The following ARHGEF28 variants were observed in gnomAD, a reference collection of about 807,000 sequenced individuals.
ARHGEF28 encodes the protein Rho guanine nucleotide exchange factor 28, also known as 190 kDa guanine nucleotide exchange factor.
A neutral mutation model predicts 206.6 loss-of-function variants in ARHGEF28; 152 were observed. The ratio of observed to expected loss-of-function variants is 0.74; its 90% confidence interval spans 0.64 to 0.84. The LOEUF (loss-of-function observed/expected upper bound fraction) is 0.84. ARHGEF28 is among the 40% of genes least tolerant of loss of function. ARHGEF28 has a pLI of 0.00. For synonymous variants in ARHGEF28, 763 were observed against 776.4 expected, an observed-to-expected ratio of 0.98 and a Z score of 0.29; for missense variants, 2,028 against 2,073.2, an observed-to-expected ratio of 0.98 and a Z score of 0.42.
intron 10 of ARHGEF28, among the ~76,000 whole-genome samples, chr5:73,834,318 C>T (rs749512464): frequency 6.6e-6 from 1 of 152,244 alleles, no homozygotes; most frequent in South Asian, 2.1e-4. Context: ...TTGTACCCTT[C>T]GACTAACACT....
intron 9 of ARHGEF28, chr5:73,813,699 T>C: frequency 6.5e-7 from 1 of 1,529,544 alleles, no homozygotes. Context: ...TTTTCTTTCC[T>C]TCACGGGCAA....
At chr5:73,886,921 AGAGGTT>A in intron 25 of ARHGEF28, among the ~76,000 whole-genome samples, 1 of 152,370 alleles carries the variant, frequency 6.6e-6, no homozygotes, top group East Asian at 1.9e-4. Context: ...AGTGAGAGGA[AGAGGTT>A]GTTAAATTCT....
chr5:73,792,327 C>G (rs986662211), intron 7 of ARHGEF28, among the ~76,000 whole-genome samples: 1 of 152,112 alleles, frequency 6.6e-6, no homozygotes, highest in African/African-American at 2.4e-5. Context: ...GTTCACTGGC[C>G]TTTTGAGAAG....
intron 9 of ARHGEF28, among the ~76,000 whole-genome samples, chr5:73,826,410 G>A (rs1756907720): frequency 6.6e-6 from 1 of 152,208 alleles, no homozygotes; most frequent in African/African-American, 2.4e-5. Context: ...CCACAGTTAA[G>A]AGATACTTGT....
In ARHGEF28 at chr5:73,882,535, G is replaced by A; in HGVS notation, c.2878G>A (p.Glu960Lys). 1 of 1,515,824 alleles carries A rather than the reference G, an allele frequency of 6.6e-7. No homozygotes were observed. Among genetic ancestry groups the A allele is most frequent in the Non-Finnish European group, 8.9e-7 (1 of 1,123,734 alleles). 93.9% of individuals were successfully genotyped at this position (1,515,824 alleles called of 1,614,324 possible). Residue 960 changes from glutamate to lysine, a missense_variant, in exon 23 of 36, where the codon GAA (glutamate) becomes AAA (lysine). Glu to Lys is a moderately conservative substitution (Grantham distance 56, BLOSUM62 1). Transcript: ENST00000513042. ...TGGAGAATTCTGTTGCCATCATAAAGAAGCTGTTAACCTCTTTAAAGAACT... is the reference window on the plus strand; with the variant it reads ...TGGAGAATTCTGTTGCCATCATAAAAAAGCTGTTAACCTCTTTAAAGAACT... ...IYGEFCCHHK[E>K]AVNLFKELQQ...
chr5:73,919,012 C>T (rs553559297), intron 35 of ARHGEF28, among the ~76,000 whole-genome samples: 1 of 152,276 alleles, frequency 6.6e-6, no homozygotes, highest in Admixed American at 6.5e-5. Flanking sequence ...AACTTTGCTT[C>T]AAACCCTGGA....
At chr5:73,850,875 G>A (rs2931439) in intron 13 of ARHGEF28, among the ~76,000 whole-genome samples, 101,218 of 152,020 alleles carry the variant, frequency 0.67, 35,488 homozygotes, top group African/African-American at 0.9. Context: ...GGCTACTTGA[G>A]TGAAGTTTGA....
intron 9 of ARHGEF28, among the ~76,000 whole-genome samples, chr5:73,815,842 G>A (rs73118562): frequency 0.075 from 11,411 of 152,292 alleles, 758 homozygotes; most frequent in African/African-American, 0.17. Context: ...GGGATATGGA[G>A]ATGATTAACT....
chr5:73,833,126 T>C (rs1757404018), intron 10 of ARHGEF28, among the ~76,000 whole-genome samples: 1 of 152,204 alleles, frequency 6.6e-6, no homozygotes, highest in Admixed American at 6.5e-5. Flanking sequence ...TTTTAGTATT[T>C]ATAAAAATTA....
Position 73,712,733 on chromosome 5 carries a change from A to G in ARHGEF28, c.33+27849A>G, listed in dbSNP as rs201217209. On this transcript the variant is annotated intron_variant, in intron 2 of 35. Coordinates refer to ENST00000513042, the MANE Select transcript of ARHGEF28 (RefSeq NM_001177693.2). Reference sequence around the variant, plus strand: ...CTTCTATTATACACAGAACAATAGAAAAGTCCTCATTAAACTAATAGAACA... The same window carrying G: ...CTTCTATTATACACAGAACAATAGAGAAGTCCTCATTAAACTAATAGAACA... Among the ~76,000 whole-genome samples the G allele has an allele frequency of 5.9e-5, 9 of 152,252 alleles. No individual in the cohort carries two copies. In the East Asian group the frequency reaches 1.7e-3, roughly 29 times the overall value.
At chr5:73,737,974 G>A (rs142530080) in intron 2 of ARHGEF28, among the ~76,000 whole-genome samples, 2 of 152,118 alleles carry the variant, frequency 1.3e-5, no homozygotes, top group Non-Finnish European at 2.9e-5. Flanking sequence ...CTTTTGCTTC[G>A]ATTTGAGGAG....
chr5:73,812,774 A>C (rs1237689978), intron 9 of ARHGEF28, among the ~76,000 whole-genome samples: 1 of 152,168 alleles, frequency 6.6e-6, no homozygotes, highest in African/African-American at 2.4e-5. Context: ...CAAAATCCTG[A>C]TGATTGACGG....
At chr5:73,901,022 C>T in intron 30 of ARHGEF28, 162 bp from the exon 31 acceptor site, 4 of 576,940 alleles carry the variant, frequency 6.9e-6, no homozygotes, top group South Asian at 1.9e-5. Context: ...ACATGCATTG[C>T]TCTGCGCTCA....
intron 9 of ARHGEF28, among the ~76,000 whole-genome samples, chr5:73,797,909 G>A (rs574485143): frequency 4.6e-5 from 7 of 152,290 alleles, no homozygotes; most frequent in Non-Finnish European, 8.8e-5. Flanking sequence ...GTTCTATCCA[G>A]TGTAGTAGCC....
At chr5:73,735,794 C>G (rs901926243) in intron 2 of ARHGEF28, among the ~76,000 whole-genome samples, 1 of 152,194 alleles carries the variant, frequency 6.6e-6, no homozygotes, top group African/African-American at 2.4e-5. Context: ...CTACTTTCTA[C>G]TTCAGGAATC....
At chr5:73,765,928 G>A (rs1341866126) in intron 4 of ARHGEF28, among the ~76,000 whole-genome samples, 7 of 152,104 alleles carry the variant, frequency 4.6e-5, no homozygotes, top group African/African-American at 1.2e-4. Flanking sequence ...CGAGGTGGGC[G>A]GATCACAAGG....
chr5:73,721,239 A>C (rs73762174), intron 2 of ARHGEF28, among the ~76,000 whole-genome samples: 7,513 of 152,202 alleles, frequency 0.049, 644 homozygotes, highest in African/African-American at 0.17. Flanking sequence ...TTGTCCTGCC[A>C]TGGTGTCTGT....
intron 35 of ARHGEF28, among the ~76,000 whole-genome samples, chr5:73,915,837 C>T (rs1014389858): frequency 1.3e-5 from 2 of 152,100 alleles, no homozygotes; most frequent in African/African-American, 4.8e-5. Context: ...TCAATATTTG[C>T]AGGTTTCCCA....
intron 2 of ARHGEF28, among the ~76,000 whole-genome samples, chr5:73,736,493 T>G (rs773032329): frequency 7.9e-5 from 12 of 152,326 alleles, no homozygotes; most frequent in Admixed American, 7.2e-4. Context: ...AAGGAATTAA[T>G]GAGATAATTC....
Sources: gnomAD v4.1 joint callset for allele counts (sites outside exome capture counted in the v4.1 genomes callset) on GRCh38, gnomAD v4.1.1 for gene constraint, MANE v1.5 for transcripts, NCBI Gene and HGNC (gene_info 2026-07-23, HGNC 2026-07-21) for gene names.